Variants in UGT1A9 observed in about 807,000 individuals in gnomAD.
UGT1A9 encodes the protein UDP glucuronosyltransferase family 1 member A9, also known as UDP-glucuronosyltransferase 1A9.
In UGT1A9, 35 loss-of-function variants were observed where a neutral mutation model predicts 45.0. The observed-to-expected ratio is 0.78, with a 90% CI of 0.59 to 1.03. The LOEUF (loss-of-function observed/expected upper bound fraction) is 1.03. UGT1A9 is among the 50% of genes least tolerant of loss of function. The pLI is 0.00. For missense variants in UGT1A9, 687 were observed against 666.6 expected (o/e 1.03, Z -0.34); for synonymous variants, 278 against 250.6 (o/e 1.11, Z -1.03).
intron 1 of UGT1A9, among the ~76,000 whole-genome samples, chr2:233,673,777 A>G (rs2074265138): frequency 6.6e-6 from 1 of 152,116 alleles, no homozygotes; most frequent in Non-Finnish European, 1.5e-5. Context: ...TGTTTTTTGC[A>G]TATGTATCTT....
chr2:233,753,954 T>C (rs1695355745), intron 1 of UGT1A9, among the ~76,000 whole-genome samples: 2 of 152,202 alleles, frequency 1.3e-5, no homozygotes, highest in Admixed American at 1.3e-4. Flanking sequence ...ACCTCCAAAA[T>C]ATTAAGAGAA....
intron 1 of UGT1A9, chr2:233,682,765 C>G (rs141393523): frequency 8.1e-6 from 13 of 1,613,600 alleles, no homozygotes; most frequent in Non-Finnish European, 1.0e-5. Flanking sequence ...GTGGTATCAA[C>G]TGTCATCAGG....
intron 1 of UGT1A9, among the ~76,000 whole-genome samples, chr2:233,736,155 C>T (rs1455121257): frequency 4.6e-5 from 7 of 152,206 alleles, no homozygotes; most frequent in Admixed American, 6.5e-5. Context: ...ACCAGTCAAA[C>T]GTAGATTTGG....
In UGT1A9 at chr2:233,764,214, G is replaced by A. The variant is rs17864706; in HGVS notation, c.856-2820G>A. On this transcript the variant is annotated intron_variant, in intron 1 of 4. Transcript: ENST00000354728. ...GGGGCATCTCATCTTTTCTTTGAAG[G>A]GAATCAATGGTGGGGGATTGGAGTG... 2.6e-3 allele frequency among the ~76,000 whole-genome samples: 394 copies of A among 152,268 alleles called. 1 individual carries two copies. Among genetic ancestry groups the A allele is most frequent in the Non-Finnish European group, 3.9e-3 (266 of 68,024 alleles).
At chr2:233,763,030 G>T (rs1698223178) in intron 1 of UGT1A9, among the ~76,000 whole-genome samples, 1 of 152,142 alleles carries the variant, frequency 6.6e-6, no homozygotes, top group South Asian at 2.1e-4. Flanking sequence ...GTTAGCCATT[G>T]TTTTCTGAAC....
rs373069908 is a variant in UGT1A9, at chr2:233,718,914, T to G, written c.855+46125T>G. On this transcript the variant is annotated intron_variant, in intron 1 of 4. Coordinates refer to ENST00000354728, the MANE Select transcript of UGT1A9 (RefSeq NM_021027.3). Reference sequence around the variant, plus strand: ...GCCCTGGGCTGAGAGTGGAAAGGTGTTGGTGGTGCCCACTGATGGCAGCCC... The same window carrying G: ...GCCCTGGGCTGAGAGTGGAAAGGTGGTGGTGGTGCCCACTGATGGCAGCCC... 6.2e-6 allele frequency: 10 copies of G among 1,614,066 alleles called. No homozygotes were observed. In the East Asian group the frequency reaches 1.8e-4, roughly 29 times the overall value.
At chr2:233,741,320 T>C (rs968198595) in intron 1 of UGT1A9, among the ~76,000 whole-genome samples, 12 of 151,906 alleles carry the variant, frequency 7.9e-5, no homozygotes, top group African/African-American at 2.9e-4. Flanking sequence ...CAACTCATTC[T>C]ACTCTACCCA....
At chr2:233,739,444 G>A (rs1292544084) in intron 1 of UGT1A9, among the ~76,000 whole-genome samples, 1 of 152,214 alleles carries the variant, frequency 6.6e-6, no homozygotes, top group African/African-American at 2.4e-5. Context: ...ACCCTGCAAA[G>A]CCACAGGGTT....
At position 233,713,714 on chromosome 2, in the gene UGT1A9, A is replaced by G. The variant is rs191146485; in HGVS notation, c.855+40925A>G. On this transcript the variant is annotated intron_variant, in intron 1 of 4. Coordinates refer to ENST00000354728, the MANE Select transcript of UGT1A9 (RefSeq NM_021027.3). ...GCCTTGCCTCTGAGCTTTTTCAGAGAGAGGTGTCAGTGGTGGATCTTGTCA... is the reference window on the plus strand; with the variant it reads ...GCCTTGCCTCTGAGCTTTTTCAGAGGGAGGTGTCAGTGGTGGATCTTGTCA... 9.0e-5 allele frequency: 146 copies of G among 1,613,790 alleles called. 1 individual carries two copies. In the East Asian group the frequency reaches 2.9e-3, roughly 32 times the overall value.
intron 1 of UGT1A9, among the ~76,000 whole-genome samples, chr2:233,700,439 G>T (rs2075564242): frequency 6.6e-6 from 1 of 152,158 alleles, no homozygotes; most frequent in African/African-American, 2.4e-5. Context: ...CTAAAGAGTA[G>T]CTGAATGCTA....
At chr2:233,678,926 T>C (rs2074431957) in intron 1 of UGT1A9, among the ~76,000 whole-genome samples, 1 of 152,230 alleles carries the variant, frequency 6.6e-6, no homozygotes, top group Admixed American at 6.5e-5. Context: ...GTGCAACATC[T>C]GGTCACAGTT....
chr2:233,748,008 C>T (rs1238805175), intron 1 of UGT1A9: 21 of 1,613,360 alleles, frequency 1.3e-5, no homozygotes, highest in Non-Finnish European at 1.8e-5. Context: ...GATGGATTAC[C>T]CCAGGCCGAT....
intron 1 of UGT1A9, among the ~76,000 whole-genome samples, chr2:233,688,474 C>G (rs1258940143): frequency 6.6e-6 from 1 of 152,216 alleles, no homozygotes; most frequent in Non-Finnish European, 1.5e-5. Context: ...TGGGAAATGT[C>G]CTATCTCCAT....
chr2:233,681,993 C>G, intron 1 of UGT1A9: 1 of 1,614,172 alleles, frequency 6.2e-7, no homozygotes, highest in East Asian at 2.2e-5. Context: ...CTACTGCTGA[C>G]CTGTGGCTTT....
intron 1 of UGT1A9, chr2:233,747,379 A>G: frequency 1.2e-6 from 2 of 1,605,180 alleles, no homozygotes; most frequent in South Asian, 1.1e-5. Flanking sequence ...GCCAGAGGCC[A>G]CCAGGCGGTG....
In UGT1A9 at chr2:233,676,665, C is replaced by T. The variant is rs1175134718; in HGVS notation, c.855+3876C>T. Among the ~76,000 whole-genome samples the T allele has an allele frequency of 3.9e-5, 6 of 152,280 alleles. No homozygotes were observed. In the South Asian group the frequency reaches 8.3e-4, roughly 21 times the overall value. ...TTGTTTTTAGTGACTTGGGCAGTTT[C>T]GAGCAGTCCTAGTCAGGTGTCCTGT... On this transcript the variant is annotated intron_variant, in intron 1 of 4. Transcript: ENST00000354728.
At chr2:233,703,124 C>T (rs1256494808) in intron 1 of UGT1A9, among the ~76,000 whole-genome samples, 1 of 152,146 alleles carries the variant, frequency 6.6e-6, no homozygotes, top group Non-Finnish European at 1.5e-5. Flanking sequence ...AATCTTTTTA[C>T]CTGTTATGGC....
At chr2:233,758,796 A>T (rs1025400084) in intron 1 of UGT1A9, among the ~76,000 whole-genome samples, 2 of 152,214 alleles carry the variant, frequency 1.3e-5, no homozygotes, top group African/African-American at 4.8e-5. Flanking sequence ...GTTATCTTGG[A>T]ATTGTATAGT....
At position 233,769,509 on chromosome 2, in the gene UGT1A9, C is replaced by T; in HGVS notation, c.1295+1070C>T. 2 of 1,612,822 alleles carry T rather than the reference C, an allele frequency of 1.2e-6. No homozygotes were observed. Among genetic ancestry groups the T allele is most frequent in the Non-Finnish European group, 1.7e-6 (2 of 1,179,850 alleles). On this transcript the variant is annotated intron_variant, in intron 4 of 4. Coordinates refer to ENST00000354728, the MANE Select transcript of UGT1A9 (RefSeq NM_021027.3). This position sits in a 1 kb window ranked among gnomAD's most constrained non-coding sequence, Gnocchi z 4.4. Reference sequence around the variant, plus strand: ...TGTTTATGAGAGTGTCCATTGCTTTCTCCCATGGTTACCTCCTTTAGAAAG... The same window carrying T: ...TGTTTATGAGAGTGTCCATTGCTTTTTCCCATGGTTACCTCCTTTAGAAAG...
Sources: allele counts gnomAD v4.1 joint callset (sites outside exome capture counted in the v4.1 genomes callset), GRCh38; gene constraint gnomAD v4.1.1; non-coding constraint Gnocchi (gnomAD v3.1); transcripts MANE v1.5; gene names NCBI Gene and HGNC (gene_info 2026-07-23, HGNC 2026-07-21).